RBMS3: variants seen among roughly 807,000 people sequenced by gnomAD.
The protein encoded by RBMS3 is RNA binding motif single stranded interacting protein 3.
Under a neutral mutation model 66.8 loss-of-function variants are expected in RBMS3, and 27 were observed. The observed-to-expected ratio is 0.40, with a 90% CI of 0.30 to 0.56. The LOEUF (loss-of-function observed/expected upper bound fraction) is 0.56, where lower values mean the gene tolerates loss of function less well. RBMS3 is among the 20% of genes least tolerant of loss of function. The pLI is 0.40. For synonymous variants in RBMS3, 188 were observed against 183.0 expected, an observed-to-expected ratio of 1.03 and a Z score of -0.22; for missense variants, 513 against 549.5, an observed-to-expected ratio of 0.93 and a Z score of 0.66.
At chr3:29,491,428 C>A (rs1190269983) in intron 3 of RBMS3, among the ~76,000 whole-genome samples, 1 of 152,190 alleles carries the variant, frequency 6.6e-6, no homozygotes, top group Non-Finnish European at 1.5e-5. Flanking sequence ...ATTTACATCT[C>A]TCTTTGTTTT....
intron 3 of RBMS3, among the ~76,000 whole-genome samples, chr3:29,520,139 G>A (rs1387965886): frequency 1.3e-5 from 2 of 152,088 alleles, no homozygotes; most frequent in African/African-American, 4.8e-5. Flanking sequence ...CATAGCAATG[G>A]TAGTCAAGGA....
intron 13 of RBMS3, among the ~76,000 whole-genome samples, chr3:29,989,356 C>G (rs776359884): frequency 2.6e-5 from 4 of 152,140 alleles, no homozygotes; most frequent in Non-Finnish European, 4.4e-5. Flanking sequence ...CTTTCTGGTT[C>G]TAGCCATTAC....
chr3:29,755,507 A>C (rs1304643493), intron 5 of RBMS3, among the ~76,000 whole-genome samples: 1 of 152,250 alleles, frequency 6.6e-6, no homozygotes, highest in Non-Finnish European at 1.5e-5. Context: ...TATTTACAGA[A>C]GCAGTGTTAA....
intron 6 of RBMS3, among the ~76,000 whole-genome samples, chr3:29,843,120 G>A (rs905484726): frequency 6.6e-6 from 1 of 152,154 alleles, no homozygotes; most frequent in Non-Finnish European, 1.5e-5. Flanking sequence ...CACTTAAATT[G>A]GATGATACAT....
intron 4 of RBMS3, among the ~76,000 whole-genome samples, chr3:29,608,684 G>A (rs968871541): frequency 6.6e-6 from 1 of 151,984 alleles, no homozygotes; most frequent in East Asian, 1.9e-4. Context: ...TATAGTCAAG[G>A]TAAAAATGAG....
chr3:29,573,106 A>T (rs2046998795), intron 3 of RBMS3, among the ~76,000 whole-genome samples: 1 of 152,028 alleles, frequency 6.6e-6, no homozygotes. Context: ...CATAAGTTTT[A>T]AGAGCTCCTT....
At chr3:29,623,303 T>C (rs2048940550) in intron 4 of RBMS3, among the ~76,000 whole-genome samples, 1 of 151,452 alleles carries the variant, frequency 6.6e-6, no homozygotes, top group Non-Finnish European at 1.5e-5. Context: ...TATAAAAGTA[T>C]AAAAGTCGGC....
In RBMS3 at chr3:29,944,250, G is replaced by A; in HGVS notation, c.1094G>A (p.Cys365Tyr). The change falls in exon 12 of 15, where the codon TGT becomes TAT. Residue 365 changes from cysteine to tyrosine, a missense_variant. By Grantham distance (194) the Cys-to-Tyr change is radical. Transcript: ENST00000383767. ...ATTATGATACTCCACCAGCTGTTGT[G>A]TCAGGTAGGAAAATTCTAATTCTTT... ...DRIMILHQLLCQYMTAAAPMQ... is the reference protein window; with the variant it reads ...DRIMILHQLLYQYMTAAAPMQ... 6.3e-7 allele frequency: 1 copy of A among 1,588,370 alleles called. No individual in the cohort carries two copies. The highest frequency in any genetic ancestry group is 2.2e-5 in the East Asian group (1 of 44,686).
At chr3:29,911,283 T>G (rs2060507426) in intron 10 of RBMS3, among the ~76,000 whole-genome samples, 2 of 152,042 alleles carry the variant, frequency 1.3e-5, no homozygotes, top group South Asian at 4.1e-4. Context: ...GTGCTGCAGC[T>G]GGTGAACATC....
Position 29,915,048 on chromosome 3 carries a change from G to A in RBMS3, c.939+15293G>A, listed in dbSNP as rs567935608. The stretch of plus-strand genomic sequence containing the variant: ...AAGTCCACCGTTTATTTATCTTGTT[G>A]TTTAGATATATCTGTCTCATTGTTA... On this transcript the variant is annotated intron_variant, in intron 10 of 14. Coordinates refer to ENST00000383767, the MANE Select transcript of RBMS3 (RefSeq NM_001003793.3). Among the ~76,000 whole-genome samples the A allele has an allele frequency of 1.3e-4, 20 of 151,614 alleles. No individual in the cohort carries two copies. In the East Asian group the frequency reaches 2.7e-3, roughly 21 times the overall value.
At position 29,962,558 on chromosome 3, in the gene RBMS3, A is replaced by G. The variant is rs543545062; in HGVS notation, c.1098+18304A>G. ...TTAATATGGGTCAAGACTCATATAT[A>G]TATATATATAATACCATACCAACAA... On this transcript the variant is annotated intron_variant, in intron 12 of 14. Coordinates refer to ENST00000383767, the MANE Select transcript of RBMS3 (RefSeq NM_001003793.3). Among the ~76,000 whole-genome samples, 11 of 150,308 alleles carry G rather than the reference A, an allele frequency of 7.3e-5. 1 individual carries two copies. In the South Asian group the frequency reaches 1.5e-3, roughly 20 times the overall value.
chr3:29,296,676 A>T (rs1216878122), intron 1 of RBMS3, among the ~76,000 whole-genome samples: 1 of 151,856 alleles, frequency 6.6e-6, no homozygotes, highest in Non-Finnish European at 1.5e-5. Flanking sequence ...TATGTCTAGA[A>T]GATGGGAGAT....
chr3:29,847,431 A>G (rs554207631), intron 6 of RBMS3, among the ~76,000 whole-genome samples: 5 of 152,306 alleles, frequency 3.3e-5, no homozygotes, highest in South Asian at 2.1e-4. Context: ...TGGCAGCTAA[A>G]GGCCTGTTAT....
At chr3:29,807,791 GGTGTGT>G (rs141326804) in intron 6 of RBMS3, among the ~76,000 whole-genome samples, 1 of 148,632 alleles carries the variant, frequency 6.7e-6, no homozygotes, top group African/African-American at 2.5e-5. Flanking sequence ...TATGTGAAGG[GGTGTGT>G]GTGTGTGTGT....
At chr3:29,502,572 T>C (rs1046848416) in intron 3 of RBMS3, among the ~76,000 whole-genome samples, 1 of 150,304 alleles carries the variant, frequency 6.7e-6, no homozygotes, top group African/African-American at 2.5e-5. Flanking sequence ...TAGTTCTGTT[T>C]GTCACTGAAT....
At chr3:29,989,956 T>C (rs1343721239) in intron 13 of RBMS3, among the ~76,000 whole-genome samples, 1 of 152,234 alleles carries the variant, frequency 6.6e-6, no homozygotes, top group African/African-American at 2.4e-5. Flanking sequence ...TTTTGATGAT[T>C]ATTATGAGAC....
intron 4 of RBMS3, among the ~76,000 whole-genome samples, chr3:29,666,920 T>A (rs138916998): frequency 6.6e-6 from 1 of 152,276 alleles, no homozygotes; most frequent in African/African-American, 2.4e-5. Context: ...TCACCTAATT[T>A]ATTAATCTAC....
At chr3:29,544,288 A>G (rs73828692) in intron 3 of RBMS3, among the ~76,000 whole-genome samples, 2,434 of 152,282 alleles carry the variant, frequency 0.016, 58 homozygotes, top group African/African-American at 0.056. Flanking sequence ...AGTCTGGGGG[A>G]AAATAATATC....
intron 2 of RBMS3, among the ~76,000 whole-genome samples, chr3:29,482,797 TC>T (rs2043184999): frequency 7.1e-6 from 1 of 141,040 alleles, no homozygotes; most frequent in Non-Finnish European, 1.5e-5. Flanking sequence ...AATCTCTGCC[TC>T]CCAGGTTCAA....
Sources: allele counts gnomAD v4.1 joint callset (sites outside exome capture counted in the v4.1 genomes callset), GRCh38; gene constraint gnomAD v4.1.1; transcripts MANE v1.5; gene names NCBI Gene and HGNC (gene_info 2026-07-23, HGNC 2026-07-21).